The following FOXP4 variants were observed in gnomAD, a reference collection of about 807,000 sequenced individuals.
FOXP4 encodes the protein forkhead box P4.
Under a neutral mutation model 82.6 loss-of-function variants are expected in FOXP4, and 25 were observed. The observed-to-expected ratio is 0.30, with a 90% CI of 0.22 to 0.42. The LOEUF (loss-of-function observed/expected upper bound fraction) is 0.42. Among genes scored for constraint, FOXP4 ranks in the 10% least tolerant of loss-of-function variants. FOXP4 has a pLI of 1.00. For missense variants in FOXP4, 785 were observed against 900.9 expected (o/e 0.87, Z 1.65); for synonymous variants, 415 against 388.2 (o/e 1.07, Z -0.81).
intron 5 of FOXP4, 150 bp from the exon 6 acceptor site, chr6:41,586,859 G>A (rs1412758324): frequency 1.1e-5 from 15 of 1,322,796 alleles, no homozygotes; most frequent in East Asian, 5.1e-5. Flanking sequence ...AAGCTGGGCC[G>A]GGAGCAGAGA....
At position 41,590,082 on chromosome 6, in the gene FOXP4, G is replaced by T. The variant is rs758933926; in HGVS notation, c.1269G>T (p.Arg423=). 1 of 1,613,724 alleles carries T rather than the reference G, an allele frequency of 6.2e-7. No homozygotes were observed. Among genetic ancestry groups the T allele is most frequent in the Non-Finnish European group, 8.5e-7 (1 of 1,179,924 alleles). ...TSAAAPVTPL[R]PPGLGSASLH... is the part of the protein sequence containing the mutation. ...CCGCAGCCCCTGTCACCCCTCTACG[G>T]CCCCCTGGCCTGGGCTCTGCCTCCC... Residue 423 remains arginine (R), a synonymous_variant, in exon 11 of 17, where the codon CGG becomes CGT. Coordinates refer to ENST00000307972, the MANE Select transcript of FOXP4 (RefSeq NM_001012426.2).
rs1183337071 is a variant in FOXP4, at chr6:41,590,095, G to A, written c.1282G>A (p.Gly428Ser). ...CACCCCTCTACGGCCCCCTGGCCTG[G>A]GCTCTGCCTCCCTGCATGGTGGGGG... ...PVTPLRPPGL[G>S]SASLHGGGPA... is the part of the protein sequence containing the mutation. The change falls in exon 11 of 17, where the codon GGC becomes AGC. Residue 428 changes from glycine to serine, a missense_variant. By Grantham distance (56) the Gly-to-Ser change is moderately conservative (BLOSUM62 0). Transcript: ENST00000307972. 1.2e-6 allele frequency: 2 copies of A among 1,613,538 alleles called. No individual in the cohort carries two copies. Among genetic ancestry groups the A allele is most frequent in the Non-Finnish European group, 8.5e-7 (1 of 1,179,856 alleles).
rs1766951570 is a variant in FOXP4, at chr6:41,597,876, CGTG to C, written c.1823_1825del (p.Val608del). ...GCCTGCTGCCCCTCAGCCACGATGA[CGTG>C]GGTGCCCCCGTGGAGCCGCTGCCCA... is the stretch of plus-strand genomic sequence containing the variant. On this transcript the variant is annotated inframe_deletion, in exon 16 of 17. Coordinates refer to ENST00000307972, the MANE Select transcript of FOXP4 (RefSeq NM_001012426.2). 1.9e-6 allele frequency: 3 copies of C among 1,595,916 alleles called. No homozygotes were observed. The African/African-American group carries it at 4.0e-5, about 21-fold the overall frequency.
At chr6:41,557,433 C>G (rs986773260) in intron 1 of FOXP4, among the ~76,000 whole-genome samples, 1 of 152,144 alleles carries the variant, frequency 6.6e-6, no homozygotes, top group African/African-American at 2.4e-5. Flanking sequence ...ATCCTGTTCC[C>G]ATAGAGTATC....
At chr6:41,571,752 C>T (rs975610751) in intron 2 of FOXP4, among the ~76,000 whole-genome samples, 2 of 152,090 alleles carry the variant, frequency 1.3e-5, no homozygotes, top group East Asian at 1.9e-4. Context: ...TCCTTGTCCC[C>T]CCTCTCTGTG....
chr6:41,558,775 T>G lies in FOXP4; in HGVS notation c.-16-6970T>G, dbSNP rs1403217870. Among the ~76,000 whole-genome samples, 1 of 152,182 alleles carries G rather than the reference T, an allele frequency of 6.6e-6. No individual in the cohort carries two copies. The highest frequency in any genetic ancestry group is 6.5e-5 in the Admixed American group (1 of 15,278). On this transcript the variant is annotated intron_variant, in intron 1 of 16. Coordinates refer to ENST00000307972, the MANE Select transcript of FOXP4 (RefSeq NM_001012426.2). This position sits in a 1 kb window ranked among gnomAD's most constrained non-coding sequence, Gnocchi z 4.0. ...TGGGGGAGGCTGGTCCCTGGGACTT[T>G]GGATTGGGAAGCATCCTGCAGTTAC...
At position 41,599,015 on chromosome 6, in the gene FOXP4, C is replaced by T. The variant is rs1767062062; in HGVS notation, c.*79C>T. On this transcript the variant is annotated 3_prime_UTR_variant, in exon 17 of 17. Coordinates refer to ENST00000307972, the MANE Select transcript of FOXP4 (RefSeq NM_001012426.2). ...GGCCCCATCTCCCCCAACTCCACAG[C>T]CCCTCCCGAGCCTCAAGGCAAGTCC... The T allele has an allele frequency of 3.0e-5, 43 of 1,452,948 alleles. No individual in the cohort carries two copies. The South Asian group carries it at 6.0e-4, about 20-fold the overall frequency. 90.0% of individuals were successfully genotyped at this position (1,452,948 alleles called of 1,614,324 possible).
At chr6:41,588,771 C>T (rs747741191) in intron 9 of FOXP4, 40 bp downstream of exon 9, 6 of 1,604,866 alleles carry the variant, frequency 3.7e-6, no homozygotes, top group Non-Finnish European at 5.1e-6. Context: ...ATGGTGGGCT[C>T]CAGCCCCTGC....
chr6:41,584,730 G>A (rs1477538144), intron 3 of FOXP4, 39 bp from the exon 4 acceptor site: 2 of 1,535,346 alleles, frequency 1.3e-6, no homozygotes, highest in South Asian at 1.2e-5. Context: ...CTCCTGGGTT[G>A]GGGTCCAGGG....
chr6:41,566,027 T>G, intron 2 of FOXP4, 63 bp downstream of exon 2: 1 of 1,506,330 alleles, frequency 6.6e-7, no homozygotes, highest in Non-Finnish European at 9.0e-7. Flanking sequence ...TGCATTCCAC[T>G]TCATCCTGGC....
chr6:41,579,587 C>T (rs1005145327), intron 3 of FOXP4, among the ~76,000 whole-genome samples: 1 of 152,106 alleles, frequency 6.6e-6, no homozygotes, highest in African/African-American at 2.4e-5. Flanking sequence ...AAGGACTGCT[C>T]AGCTGGGGAT....
chr6:41,550,464 G>T (rs907946359), intron 1 of FOXP4, among the ~76,000 whole-genome samples: 6 of 152,212 alleles, frequency 3.9e-5, no homozygotes, highest in African/African-American at 1.4e-4. Context: ...TATGGGTTGG[G>T]AAAACGAAGT....
intron 4 of FOXP4, 123 bp downstream of exon 4, chr6:41,585,014 C>A: frequency 7.6e-7 from 1 of 1,318,796 alleles, no homozygotes; most frequent in Non-Finnish European, 1.0e-6. Flanking sequence ...TCAGGCCAGA[C>A]TGATCTGCAT....
intron 1 of FOXP4, among the ~76,000 whole-genome samples, chr6:41,552,912 G>A (rs1764080092): frequency 1.3e-5 from 2 of 152,168 alleles, no homozygotes; most frequent in African/African-American, 2.4e-5. Context: ...CTCACTCTTC[G>A]GCCTTAGGCA....
intron 2 of FOXP4, among the ~76,000 whole-genome samples, chr6:41,574,454 AAG>A (rs1765365967): frequency 6.6e-6 from 1 of 152,240 alleles, no homozygotes; most frequent in Non-Finnish European, 1.5e-5. Context: ...TGAAAACTGC[AAG>A]GCAAATGTTA....
chr6:41,592,042 A>G (rs1392093703), intron 13 of FOXP4, among the ~76,000 whole-genome samples: 1 of 151,722 alleles, frequency 6.6e-6, no homozygotes, highest in Non-Finnish European at 1.5e-5. Flanking sequence ...GGTGATATCT[A>G]AATTGGGAGA....
intron 1 of FOXP4, among the ~76,000 whole-genome samples, chr6:41,551,792 G>C (rs1351256061): frequency 1.3e-5 from 2 of 152,196 alleles, no homozygotes; most frequent in Non-Finnish European, 2.9e-5. Context: ...GGGTGGCTTA[G>C]GGAATGGAGC....
chr6:41,586,294 C>T (rs1159067554), intron 5 of FOXP4, among the ~76,000 whole-genome samples: 2 of 152,144 alleles, frequency 1.3e-5, no homozygotes, highest in Non-Finnish European at 2.9e-5. Context: ...TGCTTCCCAC[C>T]CCCAGCAGGC....
rs1766661685 is a variant in FOXP4, at chr6:41,593,887, G to A, written c.1537-983G>A. Among the ~76,000 whole-genome samples the A allele has an allele frequency of 1.3e-5, 2 of 152,192 alleles. No homozygotes were observed. The highest frequency in any genetic ancestry group is 4.1e-4 in the South Asian group (2 of 4,828). On this transcript the variant is annotated intron_variant, in intron 13 of 16. Transcript: ENST00000307972. This position sits in a 1 kb window ranked among gnomAD's most constrained non-coding sequence, Gnocchi z 4.1. ...CCCGCTTTCTTCCCCGTTTAGAAAT[G>A]TAAAGAGGAGACAAGGATGGGGACG... is the stretch of plus-strand genomic sequence containing the variant.
Sources: gnomAD v4.1 joint callset for allele counts (sites outside exome capture counted in the v4.1 genomes callset) on GRCh38, gnomAD v4.1.1 for gene constraint, Gnocchi (gnomAD v3.1) non-coding constraint, MANE v1.5 for transcripts, NCBI Gene and HGNC (gene_info 2026-07-23, HGNC 2026-07-21) for gene names.